The following DPP6 variants were observed in gnomAD, a reference collection of about 807,000 sequenced individuals.
The protein encoded by DPP6 is A-type potassium channel modulatory protein DPP6.
A neutral mutation model predicts 122.6 loss-of-function variants in DPP6; 69 were observed. The ratio of observed to expected loss-of-function variants is 0.56; its 90% CI spans 0.46 to 0.69. DPP6 has a LOEUF of 0.69. DPP6 is among the 30% of genes least tolerant of loss of function. The pLI is 0.00. For synonymous variants in DPP6, 418 were observed against 433.1 expected (o/e 0.97, Z 0.43); for missense variants, 928 against 1,116.9 (o/e 0.83, Z 2.41).
chr7:154,776,744 A>C (rs931650624), intron 10 of DPP6, among the ~76,000 whole-genome samples: 7 of 152,236 alleles, frequency 4.6e-5, no homozygotes, highest in African/African-American at 1.7e-4. Context: ...ACCAAAACTT[A>C]CTTGCTATTT....
At chr7:154,350,838 G>A (rs1810790749) in intron 1 of DPP6, among the ~76,000 whole-genome samples, 1 of 152,178 alleles carries the variant, frequency 6.6e-6, no homozygotes, top group Admixed American at 6.5e-5. Flanking sequence ...TTACATGGGT[G>A]TTTTTAAGGG....
intron 1 of DPP6, among the ~76,000 whole-genome samples, chr7:154,280,586 A>T (rs1326086907): frequency 7.1e-6 from 1 of 140,106 alleles, no homozygotes; most frequent in African/African-American, 2.5e-5. Context: ...AAATATGACT[A>T]TTAATAATTA....
At chr7:154,050,344 G>A (rs1800237787), upstream of DPP6, among the ~76,000 whole-genome samples, 1 of 152,096 alleles carries the variant, frequency 6.6e-6, no homozygotes, top group Non-Finnish European at 1.5e-5. Flanking sequence ...TTCTATCTAT[G>A]ATTAATATGC....
chr7:154,605,980 C>T (rs1268753862), intron 5 of DPP6, among the ~76,000 whole-genome samples: 1 of 119,590 alleles, frequency 8.4e-6, no homozygotes, highest in Non-Finnish European at 1.9e-5. Context: ...ACCCTTTTCA[C>T]AAAAAGTTGT....
chr7:154,224,147 C>T (rs1800462179), intron 1 of DPP6, among the ~76,000 whole-genome samples: 1 of 148,464 alleles, frequency 6.7e-6, no homozygotes, highest in Non-Finnish European at 1.5e-5. Flanking sequence ...ACACAGGCAG[C>T]CTGAACCATG....
intron 5 of DPP6, among the ~76,000 whole-genome samples, chr7:154,580,076 G>A (rs1831951107): frequency 6.6e-6 from 1 of 151,960 alleles, no homozygotes; most frequent in Non-Finnish European, 1.5e-5. Context: ...GGAGGGGATA[G>A]GATGTAGCGG....
chr7:154,800,628 C>T (rs1013746273), intron 12 of DPP6, among the ~76,000 whole-genome samples: 2 of 152,214 alleles, frequency 1.3e-5, no homozygotes, highest in African/African-American at 4.8e-5. Context: ...AACCCTTCCC[C>T]CAGGGAAAAC....
At chr7:154,442,685 A>C (rs1259914866) in intron 1 of DPP6, among the ~76,000 whole-genome samples, 1 of 152,140 alleles carries the variant, frequency 6.6e-6, no homozygotes, top group Non-Finnish European at 1.5e-5. Context: ...TGAAAACAGA[A>C]GGCTAGAGCC....
chr7:154,137,667 T>TGGGGGGGTGGGGGGGGGGGG (rs1563237188), intron 1 of DPP6, among the ~76,000 whole-genome samples: 1 of 29,250 alleles, frequency 3.4e-5, no homozygotes, highest in Non-Finnish European at 6.6e-5. Context: ...GTGGGGGGGG[T>TGGGGGGGTGGGGGGGGGGGG]GGGGCGAGCT....
At chr7:154,458,694 G>A (rs890801219) in intron 2 of DPP6, among the ~76,000 whole-genome samples, 4 of 152,176 alleles carry the variant, frequency 2.6e-5, no homozygotes, top group Non-Finnish European at 5.9e-5. Flanking sequence ...CTTTTACGGT[G>A]GCCATGTCTT....
At chr7:154,814,714 G>A (rs187476992) in intron 16 of DPP6, among the ~76,000 whole-genome samples, 3 of 152,266 alleles carry the variant, frequency 2.0e-5, no homozygotes, top group Admixed American at 2.0e-4. Context: ...AGCCAGTGTG[G>A]TTTCTCTTGG....
chr7:154,440,591 T>G (rs1376349826), intron 1 of DPP6, among the ~76,000 whole-genome samples: 1 of 152,218 alleles, frequency 6.6e-6, no homozygotes, highest in Non-Finnish European at 1.5e-5. Context: ...ATCAATTACC[T>G]AACCATGGGT....
chr7:154,456,565 C>G (rs1820845848), intron 2 of DPP6, among the ~76,000 whole-genome samples: 1 of 83,022 alleles, frequency 1.2e-5, no homozygotes, highest in South Asian at 6.4e-4. Context: ...AAAAAATGCG[C>G]CCCCCCCACC....
At chr7:154,884,425 C>CCCTATA (rs1482582776) in intron 21 of DPP6, 2 of 139,970 alleles carry the variant, frequency 1.4e-5, no homozygotes, top group East Asian at 2.3e-4. Context: ...ACACATGCTC[C>CCCTATA]CACATGCTCA....
chr7:154,646,027 CAAAAA>C (rs71184020), intron 6 of DPP6, among the ~76,000 whole-genome samples: 2 of 57,932 alleles, frequency 3.5e-5, no homozygotes, highest in Admixed American at 3.0e-4. Flanking sequence ...GACTCCGTCT[CAAAAA>C]AAAAAAAAAA....
intron 6 of DPP6, 107 bp from the exon 7 acceptor site, chr7:154,669,253 T>C: frequency 2.0e-6 from 3 of 1,500,542 alleles, no homozygotes; most frequent in Non-Finnish European, 2.7e-6. Context: ...ATGGATACCA[T>C]GGAAGGAGAA....
At chr7:154,716,668 C>T (rs1349361263) in intron 7 of DPP6, among the ~76,000 whole-genome samples, 2 of 149,208 alleles carry the variant, frequency 1.3e-5, no homozygotes, top group Non-Finnish European at 1.5e-5. Flanking sequence ...TGGTTCCAGA[C>T]ATAGAATTTA....
chr7:154,026,563 G>A (rs905146459), intron 1 of DPP6: 18 of 152,158 alleles, frequency 1.2e-4, no homozygotes, highest in African/African-American at 3.6e-4. Flanking sequence ...ACATTAAGCT[G>A]GAATGAAGGT....
rs551366137 is a variant in DPP6 at position 154,747,261 on chromosome 7, T to C, written c.883+19374T>C. Among the ~76,000 whole-genome samples, 64 of 152,366 alleles carry C rather than the reference T, an allele frequency of 4.2e-4. 1 individual carries two copies. Among genetic ancestry groups the C allele is most frequent in the African/African-American group, 1.5e-3 (64 of 41,586 alleles). ...TATTTTCATTTGCATTCCAATGCTG[T>C]CTGCCTTGTACTGCTTTACTTCAAA... is the stretch of plus-strand genomic sequence containing the variant. On this transcript the variant is annotated intron_variant, in intron 8 of 25. Coordinates refer to ENST00000377770, the MANE Select transcript of DPP6 (RefSeq NM_130797.4).
Sources: allele counts gnomAD v4.1 joint callset (sites outside exome capture counted in the v4.1 genomes callset), GRCh38; gene constraint gnomAD v4.1.1; transcripts MANE v1.5; gene names NCBI Gene and HGNC (gene_info 2026-07-23, HGNC 2026-07-21).